Variants in QARS1 observed in about 807,000 individuals in gnomAD.
QARS1 encodes glutaminyl-tRNA synthetase 1.
A neutral mutation model predicts 106.9 loss-of-function variants in QARS1; 79 were observed. The observed-to-expected ratio is 0.74, with a 90% CI of 0.62 to 0.89. The LOEUF (loss-of-function observed/expected upper bound fraction) is 0.89, where lower values mean the gene tolerates loss of function less well. QARS1 is among the 40% of genes least tolerant of loss of function. The probability of loss-of-function intolerance (pLI) is 0.00; values close to 1 mark genes in which losing one functional copy is unlikely to be tolerated. For missense variants in QARS1, 966 were observed against 997.2 expected, an observed-to-expected ratio of 0.97 and a Z score of 0.42; for synonymous variants, 395 against 367.7, an observed-to-expected ratio of 1.07 and a Z score of -0.85.
chr3:49,102,002 C>A, intron 7 of QARS1, 103 bp from the exon 8 acceptor site: 7 of 1,376,728 alleles, frequency 5.1e-6, no homozygotes, highest in Non-Finnish European at 7.0e-6. Context: ...ATTCCAGAGA[C>A]AAGATATCTA....
chr3:49,096,186 G>A lies in QARS1; in HGVS notation c.2278-107C>T. The A allele has an allele frequency of 2.5e-6, 3 of 1,207,168 alleles. No individual in the cohort carries two copies. In the African/African-American group the frequency reaches 4.5e-5, roughly 18 times the overall value. The allele number at this position is 1,207,168 out of a possible 1,614,324, so 74.8% of individuals were successfully genotyped here. ...CCCCTAACATCCTTCTTAAGCCAAA[G>A]AAGCCGAGGGACTAAGGGTCAGGAG... is the stretch of plus-strand genomic sequence containing the variant. On this transcript the variant is annotated intron_variant, in intron 23 of 23. Coordinates refer to ENST00000306125, the MANE Select transcript of QARS1 (RefSeq NM_005051.3).
chr3:49,100,115 T>G, intron 13 of QARS1, 24 bp from the exon 14 acceptor site: 1 of 1,614,242 alleles, frequency 6.2e-7, no homozygotes, highest in African/African-American at 1.3e-5. Context: ...GGACTCAGGC[T>G]GTCTCTAAGC....
At position 49,098,392 on chromosome 3, in the gene QARS1, G is replaced by A; in HGVS notation, c.2045C>T (p.Ser682Leu). The part of the protein sequence containing the change: ...EKPKAFIHWV[S>L]QPLMCEVRLY... Reference sequence around the variant, plus strand: ...GCGAACCTCACACATCAAAGGCTGTGACACCCAGTGAATAAAGGCCTTTGG... The same window carrying A: ...GCGAACCTCACACATCAAAGGCTGTAACACCCAGTGAATAAAGGCCTTTGG... The change falls in exon 21 of 24, where the codon TCA (serine) becomes TTA (leucine). Residue 682 changes from serine to leucine, a missense_variant. Transcript: ENST00000306125. 6.2e-7 allele frequency: 1 copy of A among 1,614,214 alleles called. No individual in the cohort carries two copies. The highest frequency in any genetic ancestry group is 8.5e-7 in the Non-Finnish European group (1 of 1,180,046).
chr3:49,103,522 G>T, intron 4 of QARS1, 109 bp downstream of exon 4: 1 of 1,565,832 alleles, frequency 6.4e-7, no homozygotes, highest in South Asian at 1.1e-5. Flanking sequence ...AGCCCAGCCA[G>T]ACCACTTTAA....
rs1490441529 is a variant in QARS1 at position 49,101,675 on chromosome 3, A to G, written c.734T>C (p.Val245Ala). 1 of 1,613,916 alleles carries G rather than the reference A, an allele frequency of 6.2e-7. No homozygotes were observed. Among genetic ancestry groups the G allele is most frequent in the Non-Finnish European group, 8.5e-7 (1 of 1,180,016 alleles). The change falls in exon 9 of 24, where the codon GTC (valine) becomes GCC (alanine). Residue 245 changes from valine (V) to alanine (A), a missense_variant. Coordinates refer to ENST00000306125, the MANE Select transcript of QARS1 (RefSeq NM_005051.3). ...TAGTAGATTCATGGTGTGTGGAGTG[A>G]CCACATAGCCTGGGGTCTTGTAGTT... ...GENYKTPGYVVTPHTMNLLKQ... is the reference protein window; with the variant it reads ...GENYKTPGYVATPHTMNLLKQ...
chr3:49,099,001 G>C lies in QARS1; in HGVS notation c.1759-12C>G. ...TGGATGTCCAAGGACTATAGCAGGA[G>C]ACAGGAGACAGGTATGAGTCATACT... is the stretch of plus-strand genomic sequence containing the variant. On this transcript the variant is annotated splice_polypyrimidine_tract_variant and intron_variant, in intron 18 of 23. Transcript: ENST00000306125. 6.2e-7 allele frequency: 1 copy of C among 1,612,332 alleles called. No individual in the cohort carries two copies. Among genetic ancestry groups the C allele is most frequent in the Middle Eastern group, 1.7e-4 (1 of 6,054 alleles).
In QARS1 at chr3:49,099,827, G is replaced by A. The variant is rs759401412; in HGVS notation, c.1322C>T (p.Thr441Ile). 1.9e-6 allele frequency: 3 copies of A among 1,614,046 alleles called. No individual in the cohort carries two copies. Among genetic ancestry groups the A allele is most frequent in the Non-Finnish European group, 8.5e-7 (1 of 1,180,006 alleles). The change falls in exon 15 of 24, where the codon ACA becomes ATA. Residue 441 changes from threonine to isoleucine, a missense_variant. By Grantham distance (89) the Thr-to-Ile change is moderately conservative. Transcript: ENST00000306125. ...KWCIYPTYDY[T>I]HCLCDSIEHI... is the part of the protein sequence containing the mutation. ...CTCGATGGAGTCACAGAGGCAGTGT[G>A]TGTAGTCGTAGGTGGGATAGATGCA...
At chr3:49,100,711 T>A (rs2042459397) in intron 10 of QARS1, 37 bp from the exon 11 acceptor site, 2 of 1,423,242 alleles carry the variant, frequency 1.4e-6, no homozygotes, top group Non-Finnish European at 2.0e-6. Context: ...TCCCACATCA[T>A]CCATCAGCCC....
chr3:49,102,253 GA>G lies in QARS1; in HGVS notation c.582del (p.Arg195GlyfsTer2). ...DLEKKFKVAK[A>X]RLEETDRRTA... ...GTCCTCCGGTCTGTTTCTTCTAGCC[GA>G]GCTTTTGCCACCTGAAAGAAGCCCC... On this transcript the variant is annotated frameshift_variant, in exon 7 of 24. Transcript: ENST00000306125. LOFTEE classifies it high-confidence loss of function. 4 of 1,614,198 alleles carry G rather than the reference GA, an allele frequency of 2.5e-6. No individual in the cohort carries two copies. Among genetic ancestry groups the G allele is most frequent in the Non-Finnish European group, 3.4e-6 (4 of 1,180,044 alleles).
In QARS1 at chr3:49,098,874, C is replaced by T. The variant is rs764681784; in HGVS notation, c.1863+11G>A. 10 of 1,604,854 alleles carry T rather than the reference C, an allele frequency of 6.2e-6. No individual in the cohort carries two copies. Among genetic ancestry groups the T allele is most frequent in the Non-Finnish European group, 7.7e-6 (9 of 1,171,684 alleles). ...CAGCAGCAAACGGGACCCTCCACCC[C>T]CACAATTTACCTCCTTGAAGTCAGT... is the stretch of plus-strand genomic sequence containing the variant. On this transcript the variant is annotated intron_variant, in intron 19 of 23. Coordinates refer to ENST00000306125, the MANE Select transcript of QARS1 (RefSeq NM_005051.3).
intron 2 of QARS1, 42 bp downstream of exon 2, chr3:49,104,282 G>A (rs775854254): frequency 1.9e-6 from 3 of 1,609,286 alleles, no homozygotes; most frequent in Non-Finnish European, 8.5e-7. Context: ...TTGGCTGAAG[G>A]GAGGCATTGG....
intron 23 of QARS1, 73 bp downstream of exon 23, chr3:49,097,919 C>G (rs529603286): frequency 6.3e-7 from 1 of 1,589,194 alleles, no homozygotes; most frequent in East Asian, 2.2e-5. Context: ...GGAATGTATG[C>G]AGAGCACTTG....
At position 49,098,616 on chromosome 3, in the gene QARS1, A is replaced by C; in HGVS notation, c.1940T>G (p.Leu647Arg). The C allele has an allele frequency of 6.2e-7, 1 of 1,611,826 alleles. No individual in the cohort carries two copies. Among genetic ancestry groups the C allele is most frequent in the Non-Finnish European group, 8.5e-7 (1 of 1,178,804 alleles). Reference sequence around the variant, plus strand: ...GGCTCTCACCTTGACAACATGCTGCAGCTCAATGACGTAGCCTGTATGCCT... The same window carrying C: ...GGCTCTCACCTTGACAACATGCTGCCGCTCAATGACGTAGCCTGTATGCCT... ...GLRHTGYVIE[L>R]QHVVKGPSGC... Residue 647 changes from leucine to arginine, a missense_variant, in exon 20 of 24, where the codon CTG becomes CGG. Coordinates refer to ENST00000306125, the MANE Select transcript of QARS1 (RefSeq NM_005051.3).
Position 49,102,513 on chromosome 3 carries a change from C to T in QARS1, c.517-41G>A, listed in dbSNP as rs1385165152. The T allele has an allele frequency of 5.6e-6, 9 of 1,609,550 alleles. No homozygotes were observed. In the African/African-American group the frequency reaches 6.7e-5, roughly 12 times the overall value. On this transcript the variant is annotated intron_variant, in intron 5 of 23. Transcript: ENST00000306125. ...AATCAGGCAGAGGCAGGAGTATCCT[C>T]TTTCAAGGAGCCCCTGACTGATCCT... is the stretch of plus-strand genomic sequence containing the variant.
chr3:49,098,738 A>G (rs1323274357), intron 19 of QARS1, 46 bp from the exon 20 acceptor site: 2 of 1,538,730 alleles, frequency 1.3e-6, no homozygotes, highest in African/African-American at 2.7e-5. Flanking sequence ...CAAGGGTCAA[A>G]CAAGTGGGGA....
At chr3:49,102,000 G>A (rs948512710) in intron 7 of QARS1, 101 bp from the exon 8 acceptor site, 15 of 1,382,914 alleles carry the variant, frequency 1.1e-5, no homozygotes, top group South Asian at 4.0e-5. Flanking sequence ...CAATTCCAGA[G>A]ACAAGATATC....
At chr3:49,102,747 T>C in intron 5 of QARS1, 1 of 516,472 alleles carries the variant, frequency 1.9e-6, no homozygotes, top group Non-Finnish European at 3.7e-6. Context: ...ATTCAAGCGA[T>C]TTTCCTACCT....
Position 49,101,811 on chromosome 3 carries a change from T to A in QARS1, c.703+17A>T, listed in dbSNP as rs60002662. On this transcript the variant is annotated intron_variant, in intron 8 of 23. Transcript: ENST00000306125. ...CCAAGATCCAGCCCTCCCCAGGGTTTTGACATGCCCACTAACCAGGCTTGT... is the reference window on the plus strand; with the variant it reads ...CCAAGATCCAGCCCTCCCCAGGGTTATGACATGCCCACTAACCAGGCTTGT... 1.9e-5 allele frequency: 31 copies of A among 1,610,678 alleles called. No homozygotes were observed. In the African/African-American group the frequency reaches 3.2e-4, roughly 17 times the overall value.
rs1397938831 is a variant in QARS1, at chr3:49,099,653, G to C, written c.1389-6C>G. On this transcript the variant is annotated splice_region_variant and splice_polypyrimidine_tract_variant and intron_variant, in intron 15 of 23. Transcript: ENST00000306125. ...GCCAGAAGTAGGAAGAGCGTCTGGG[G>C]TGGGAGAGTAGGGTTAGCACTGGCC... The C allele has an allele frequency of 6.2e-7, 1 of 1,612,714 alleles. No homozygotes were observed. Among genetic ancestry groups the C allele is most frequent in the Non-Finnish European group, 8.5e-7 (1 of 1,179,586 alleles).
Sources: allele counts gnomAD v4.1 joint callset, GRCh38; gene constraint gnomAD v4.1.1; transcripts MANE v1.5; gene names NCBI Gene and HGNC (gene_info 2026-07-23, HGNC 2026-07-21).